The following IFT122 variants were observed in gnomAD, a reference collection of about 807,000 sequenced individuals.
IFT122 encodes the protein intraflagellar transport 122.
In IFT122, 118 loss-of-function variants were observed where a neutral mutation model predicts 161.6. The observed-to-expected ratio is 0.73, with a 90% CI of 0.63 to 0.85. IFT122 has a LOEUF of 0.85. IFT122 is among the 40% of genes least tolerant of loss of function. The probability of loss-of-function intolerance (pLI) is 0.00; values close to 1 mark genes in which losing one functional copy is unlikely to be tolerated. For missense variants in IFT122, 1,381 were observed against 1,579.6 expected (o/e 0.87, Z 2.13); for synonymous variants, 550 against 602.4 (o/e 0.91, Z 1.27).
intron 4 of IFT122, among the ~76,000 whole-genome samples, chr3:129,460,488 G>C (rs1001181406): frequency 5.9e-5 from 9 of 151,432 alleles, no homozygotes; most frequent in African/African-American, 2.2e-4. Flanking sequence ...TATGACTCCT[G>C]AGCTCAAGCA....
At chr3:129,468,082 G>C (rs1161033007) in intron 8 of IFT122, among the ~76,000 whole-genome samples, 1 of 152,230 alleles carries the variant, frequency 6.6e-6, no homozygotes, top group Admixed American at 6.5e-5. Flanking sequence ...TTGGACATCA[G>C]TGCCAGTCAC....
Position 129,476,389 on chromosome 3 carries a change from G to A in IFT122, c.891G>A (p.Leu297=), listed in dbSNP as rs762587761. Residue 297 remains leucine, a synonymous_variant, in exon 10 of 30, where the codon CTG becomes CTA. Coordinates refer to ENST00000348417, the MANE Select transcript of IFT122 (RefSeq NM_052989.3). The stretch of plus-strand genomic sequence containing the variant: ...TTACTAAAGGCGAGTACATTTTGCT[G>A]GGGGGTTCAGACAAGCAAGTATCTC... ...SYFTKGEYIL[L]GGSDKQVSLF... 3 of 1,614,146 alleles carry A rather than the reference G, an allele frequency of 1.9e-6. No homozygotes were observed. The highest frequency in any genetic ancestry group is 2.5e-6 in the Non-Finnish European group (3 of 1,180,008).
chr3:129,516,298 A>T (rs2083572204), intron 26 of IFT122, among the ~76,000 whole-genome samples: 1 of 137,188 alleles, frequency 7.3e-6, no homozygotes, highest in African/African-American at 3.0e-5. Flanking sequence ...ACACACACAC[A>T]CACACACACA....
intron 5 of IFT122, among the ~76,000 whole-genome samples, chr3:129,461,943 T>A (rs1305984439): frequency 6.6e-6 from 1 of 152,158 alleles, no homozygotes; most frequent in Non-Finnish European, 1.5e-5. Context: ...CCATTAATGG[T>A]TGATTCTGTT....
chr3:129,506,290 C>T lies in IFT122; in HGVS notation c.2651-119C>T, dbSNP rs544598126. 56 of 1,153,382 alleles carry T rather than the reference C, an allele frequency of 4.9e-5. 1 individual carries two copies. The Middle Eastern group carries it at 8.3e-4, about 17-fold the overall frequency. 71.4% of individuals were successfully genotyped at this position (1,153,382 alleles called of 1,614,324 possible). A position where few individuals can be genotyped will look rare whatever the true frequency, so the allele number is the denominator to read the frequency against. On this transcript the variant is annotated intron_variant, in intron 21 of 29. Coordinates refer to ENST00000348417, the MANE Select transcript of IFT122 (RefSeq NM_052989.3). ...TCCCAGCAACGAAGCACTGCAGATG[C>T]TCCAATGAGTGTCCTACTTCCAAAG...
intron 18 of IFT122, among the ~76,000 whole-genome samples, chr3:129,499,525 C>T (rs2081282244): frequency 6.6e-6 from 1 of 152,192 alleles, no homozygotes; most frequent in African/African-American, 2.4e-5. Context: ...CCTGTATTGA[C>T]CAAACTATGT....
At chr3:129,488,189 G>T in intron 15 of IFT122, 68 bp from the exon 16 acceptor site, 1 of 1,612,142 alleles carries the variant, frequency 6.2e-7, no homozygotes, top group Non-Finnish European at 8.5e-7. Flanking sequence ...GGCAGGCTCT[G>T]TATGCATCTG....
At chr3:129,475,851 T>A (rs1423086309) in intron 9 of IFT122, among the ~76,000 whole-genome samples, 2 of 152,150 alleles carry the variant, frequency 1.3e-5, no homozygotes, top group African/African-American at 4.8e-5. Flanking sequence ...AGAAGTAGTA[T>A]GGGTGTAGTT....
chr3:129,473,687 CTT>C (rs1191826212), intron 9 of IFT122, among the ~76,000 whole-genome samples: 2 of 152,204 alleles, frequency 1.3e-5, no homozygotes, highest in Non-Finnish European at 2.9e-5. Context: ...TAAGCTCTTA[CTT>C]TGCTTCTCTT....
intron 29 of IFT122, 88 bp downstream of exon 29, chr3:129,519,820 G>C (rs2084524435): frequency 6.8e-7 from 1 of 1,472,868 alleles, no homozygotes; most frequent in Non-Finnish European, 9.4e-7. Flanking sequence ...TGGCCCCTGG[G>C]AGGAGGGGCA....
chr3:129,509,420 A>G (rs2082542337), intron 23 of IFT122, among the ~76,000 whole-genome samples: 1 of 152,086 alleles, frequency 6.6e-6, no homozygotes, highest in African/African-American at 2.4e-5. Flanking sequence ...CAAGCCTCTC[A>G]TCTCCTTTGC....
intron 9 of IFT122, among the ~76,000 whole-genome samples, chr3:129,472,430 G>T (rs1174097555): frequency 6.6e-6 from 1 of 151,954 alleles, no homozygotes; most frequent in Non-Finnish European, 1.5e-5. Context: ...TTCCCAAACT[G>T]CTGGGAATAC....
At chr3:129,461,785 G>C (rs1453376994) in intron 5 of IFT122, among the ~76,000 whole-genome samples, 1 of 152,300 alleles carries the variant, frequency 6.6e-6, no homozygotes, top group East Asian at 1.9e-4. Context: ...TCCTCCCTGA[G>C]GGGCTGAACA....
Position 129,500,068 on chromosome 3 carries a change from T to G in IFT122, c.2375T>G (p.Met792Arg). 6.2e-7 allele frequency: 1 copy of G among 1,614,038 alleles called. No individual in the cohort carries two copies. The highest frequency in any genetic ancestry group is 8.5e-7 in the Non-Finnish European group (1 of 1,179,992). Residue 792 changes from methionine (M) to arginine (R), a missense_variant and splice_region_variant, in exon 19 of 30, where the codon ATG becomes AGG. Physicochemically the swap from Met to Arg is moderately conservative, Grantham distance 91 (BLOSUM62 -1). This residue lies in a region of IFT122 where 496 missense variants were observed against 502.5 expected (regional missense o/e 0.99). Coordinates refer to ENST00000348417, the MANE Select transcript of IFT122 (RefSeq NM_052989.3). The part of the protein sequence containing the change: ...EICGDHGWVD[M>R]LIDIARKLDK... ...TGTGGTGACCATGGCTGGGTTGACATGTAGGTTTTGGTCCCTGCCCCGAGA... is the reference window on the plus strand; with the variant it reads ...TGTGGTGACCATGGCTGGGTTGACAGGTAGGTTTTGGTCCCTGCCCCGAGA...
chr3:129,448,697 ATT>A (rs112077688), intron 1 of IFT122, among the ~76,000 whole-genome samples: 2 of 145,938 alleles, frequency 1.4e-5, no homozygotes, highest in Non-Finnish European at 3.0e-5. Flanking sequence ...TTATTTATTT[ATT>A]TTTTTTTTTT....
At chr3:129,497,858 A>G (rs575204772) in intron 18 of IFT122, among the ~76,000 whole-genome samples, 1 of 152,332 alleles carries the variant, frequency 6.6e-6, no homozygotes, top group South Asian at 2.1e-4. Flanking sequence ...TTGCTTCCCA[A>G]GATTCAATCT....
intron 20 of IFT122, 48 bp from the exon 21 acceptor site, chr3:129,504,271 G>A (rs771758121): frequency 2.8e-6 from 4 of 1,447,374 alleles, no homozygotes; most frequent in Admixed American, 3.3e-5. Flanking sequence ...GTTTTCATGG[G>A]GGCTGCAGGG....
chr3:129,481,877 C>T (rs991002927), intron 14 of IFT122, among the ~76,000 whole-genome samples, 183 bp downstream of exon 14: 1 of 152,254 alleles, frequency 6.6e-6, no homozygotes, highest in African/African-American at 2.4e-5. Context: ...CACACAGGCA[C>T]AAGCCGCAGG....
intron 18 of IFT122, among the ~76,000 whole-genome samples, chr3:129,496,368 G>A (rs2080844778): frequency 6.6e-6 from 1 of 152,172 alleles, no homozygotes; most frequent in African/African-American, 2.4e-5. Flanking sequence ...GTTCAAAGAG[G>A]CTTCGGTACA....
Sources: allele counts gnomAD v4.1 joint callset (sites outside exome capture counted in the v4.1 genomes callset), GRCh38; gene constraint gnomAD v4.1.1; regional missense constraint gnomAD v4.1.1; transcripts MANE v1.5; gene names NCBI Gene and HGNC (gene_info 2026-07-23, HGNC 2026-07-21).